The following CARMIL1 variants were observed in gnomAD, a reference collection of about 807,000 sequenced individuals.
The protein encoded by CARMIL1 is capping protein regulator and myosin 1 linker 1.
In CARMIL1, 90 loss-of-function variants were observed where a neutral mutation model predicts 177.1. The ratio of observed to expected loss-of-function variants is 0.51; its 90% CI spans 0.43 to 0.61. The LOEUF (loss-of-function observed/expected upper bound fraction) is 0.61. Ranked by LOEUF, CARMIL1 falls within the 20% of genes least tolerant of loss-of-function variation. The pLI is 0.00. For synonymous variants in CARMIL1, 577 were observed against 606.2 expected (o/e 0.95, Z 0.71); for missense variants, 1,380 against 1,667.0 (o/e 0.83, Z 3.00).
intron 5 of CARMIL1, among the ~76,000 whole-genome samples, chr6:25,436,167 A>C (rs146136883): frequency 6.6e-6 from 1 of 152,138 alleles, no homozygotes; most frequent in East Asian, 1.9e-4. Context: ...AGTCAGGATT[A>C]TGGGCTTGGA....
chr6:25,444,166 A>G (rs565386094), intron 5 of CARMIL1, among the ~76,000 whole-genome samples: 3 of 152,194 alleles, frequency 2.0e-5, no homozygotes, highest in Admixed American at 1.3e-4. Context: ...TTCTTTCATG[A>G]GTGATTTCTC....
intron 2 of CARMIL1, among the ~76,000 whole-genome samples, chr6:25,387,905 G>A (rs995430259): frequency 6.6e-6 from 1 of 152,116 alleles, no homozygotes; most frequent in Non-Finnish European, 1.5e-5. Flanking sequence ...TTTGCCTCTA[G>A]CTGTGAGTTG....
At chr6:25,367,797 C>T (rs1047366586) in intron 2 of CARMIL1, among the ~76,000 whole-genome samples, 2 of 152,164 alleles carry the variant, frequency 1.3e-5, no homozygotes, top group African/African-American at 2.4e-5. Flanking sequence ...CTCGGTCTGT[C>T]GCCTAGGCTG....
At chr6:25,439,968 G>T (rs554438137) in intron 5 of CARMIL1, among the ~76,000 whole-genome samples, 12 of 151,948 alleles carry the variant, frequency 7.9e-5, no homozygotes, top group South Asian at 2.1e-4. Flanking sequence ...AAAGTGAGAG[G>T]CAAAGTACAA....
chr6:25,285,327 G>A (rs927010979), intron 2 of CARMIL1, among the ~76,000 whole-genome samples: 2 of 152,158 alleles, frequency 1.3e-5, no homozygotes, highest in African/African-American at 4.8e-5. Flanking sequence ...TTTCTCAGAT[G>A]TTATATATGA....
intron 2 of CARMIL1, among the ~76,000 whole-genome samples, chr6:25,346,626 G>GC (rs1787543144): frequency 6.6e-6 from 1 of 152,140 alleles, no homozygotes; most frequent in African/African-American, 2.4e-5. Flanking sequence ...GTTCCACAAG[G>GC]CCAGGGACCT....
intron 2 of CARMIL1, among the ~76,000 whole-genome samples, chr6:25,416,274 A>G (rs1439038731): frequency 6.6e-6 from 1 of 152,072 alleles, no homozygotes; most frequent in East Asian, 1.9e-4. Flanking sequence ...TGTGTGGACT[A>G]TTGAGGAATC....
intron 2 of CARMIL1, among the ~76,000 whole-genome samples, chr6:25,399,241 C>G (rs1433575070): frequency 6.6e-6 from 1 of 152,178 alleles, no homozygotes; most frequent in Admixed American, 6.5e-5. Context: ...AGGGGCTGCA[C>G]GGCTACTATG....
chr6:25,499,613 C>A, intron 16 of CARMIL1, among the ~76,000 whole-genome samples: 1 of 152,230 alleles, frequency 6.6e-6, no homozygotes, highest in South Asian at 2.1e-4. Flanking sequence ...ATCCTGGACT[C>A]CAATTCAAGA....
intron 32 of CARMIL1, 64 bp from the exon 33 acceptor site, chr6:25,600,250 C>T (rs1815254229): frequency 7.0e-7 from 1 of 1,427,894 alleles, no homozygotes; most frequent in Non-Finnish European, 9.5e-7. Context: ...TATATTTTGA[C>T]TGATTCTTGC....
intron 8 of CARMIL1, chr6:25,465,519 C>CA (rs34888187): frequency 0.029 from 4,084 of 143,002 alleles, 30 homozygotes; most frequent in Non-Finnish European, 0.034. Context: ...GACCCTGTCT[C>CA]AAAAAAAAAA....
At chr6:25,476,633 A>C (rs978206026) in intron 11 of CARMIL1, among the ~76,000 whole-genome samples, 26 of 152,184 alleles carry the variant, frequency 1.7e-4, no homozygotes, top group African/African-American at 6.3e-4. Context: ...TATTTATTGA[A>C]ATTTCAATCT....
chr6:25,417,090 G>A (rs1795417379), intron 2 of CARMIL1, among the ~76,000 whole-genome samples: 1 of 152,172 alleles, frequency 6.6e-6, no homozygotes, highest in Non-Finnish European at 1.5e-5. Flanking sequence ...CACTCTGGGG[G>A]AGGAGCAGTA....
intron 24 of CARMIL1, among the ~76,000 whole-genome samples, chr6:25,535,647 A>G (rs1808221705): frequency 6.6e-6 from 1 of 152,258 alleles, no homozygotes; most frequent in Non-Finnish European, 1.5e-5. Context: ...GAGGTCTTCT[A>G]ACGGGGTAAC....
chr6:25,578,548 TAAGG>T (rs1812809322), intron 29 of CARMIL1, among the ~76,000 whole-genome samples: 1 of 152,148 alleles, frequency 6.6e-6, no homozygotes, highest in Non-Finnish European at 1.5e-5. Context: ...TCTGTAAAAC[TAAGG>T]AAGAATTACT....
In CARMIL1 at chr6:25,505,643, G is replaced by T. The variant is rs553564903; in HGVS notation, c.1396-4013G>T. Among the ~76,000 whole-genome samples, 5 of 152,128 alleles carry T rather than the reference G, an allele frequency of 3.3e-5. No individual in the cohort carries two copies. The East Asian group carries it at 9.7e-4, about 29-fold the overall frequency. Reference sequence around the variant, plus strand: ...AATTTTTATATTATTAGTAGAGATGGGGTTTTACCATGTTGGCCAGGCTGG... The same window carrying T: ...AATTTTTATATTATTAGTAGAGATGTGGTTTTACCATGTTGGCCAGGCTGG... On this transcript the variant is annotated intron_variant, in intron 17 of 36. Transcript: ENST00000329474.
At chr6:25,360,017 A>G (rs1225443347) in intron 2 of CARMIL1, among the ~76,000 whole-genome samples, 4 of 152,240 alleles carry the variant, frequency 2.6e-5, no homozygotes, top group Non-Finnish European at 5.9e-5. Context: ...GCAGTTTGGC[A>G]GGCCTGTCAC....
At chr6:25,334,897 G>C (rs1187953755) in intron 2 of CARMIL1, among the ~76,000 whole-genome samples, 2 of 152,302 alleles carry the variant, frequency 1.3e-5, no homozygotes, top group South Asian at 2.1e-4. Flanking sequence ...TGGAGACGGT[G>C]ACATTTTCTG....
At chr6:25,552,686 C>T (rs988968321) in intron 27 of CARMIL1, among the ~76,000 whole-genome samples, 5 of 152,056 alleles carry the variant, frequency 3.3e-5, no homozygotes, top group African/African-American at 1.2e-4. Flanking sequence ...AAAATAATTG[C>T]GTTTTTAAGA....
Sources: allele counts gnomAD v4.1 joint callset (sites outside exome capture counted in the v4.1 genomes callset), GRCh38; gene constraint gnomAD v4.1.1; transcripts MANE v1.5; gene names NCBI Gene and HGNC (gene_info 2026-07-23, HGNC 2026-07-21).